Variants in NNT observed in about 807,000 individuals in gnomAD.
The protein encoded by NNT is nicotinamide nucleotide transhydrogenase, also known as NAD(P) transhydrogenase, mitochondrial.
NNT carries 50 observed loss-of-function variants against 104.8 expected under a neutral mutation model. The observed-to-expected ratio is 0.48, with a 90% confidence interval of 0.38 to 0.60. The LOEUF is 0.60. Among genes scored for constraint, NNT ranks in the 20% least tolerant of loss-of-function variants. NNT has a pLI of 0.00. For missense variants in NNT, 1,131 were observed against 1,330.7 expected, an observed-to-expected ratio of 0.85 and a Z score of 2.33; for synonymous variants, 461 against 490.4, an observed-to-expected ratio of 0.94 and a Z score of 0.79.
At chr5:43,629,345 A>G (rs1028399223) in intron 7 of NNT, among the ~76,000 whole-genome samples, 1 of 152,136 alleles carries the variant, frequency 6.6e-6, no homozygotes, top group African/African-American at 2.4e-5. Flanking sequence ...TGGTGTGTGT[A>G]TATATGTATA....
intron 19 of NNT, 103 bp downstream of exon 19, chr5:43,677,909 A>T: frequency 1.2e-6 from 1 of 838,980 alleles, no homozygotes; most frequent in Non-Finnish European, 2.0e-6. Context: ...TAGGGCACTG[A>T]CCCGCCCATA....
At chr5:43,645,745 C>T (rs1425661121) in intron 10 of NNT, 2 of 111,908 alleles carry the variant, frequency 1.8e-5, no homozygotes, top group Non-Finnish European at 3.4e-5. Context: ...GACGGAGTCT[C>T]GCTCTGTCGC....
rs189763822 is a variant in NNT, at chr5:43,702,600, C to G, written c.2996-21C>G. 599 of 1,459,138 alleles carry G rather than the reference C, an allele frequency of 4.1e-4. 3 individuals carry two copies. Among genetic ancestry groups the G allele is most frequent in the Non-Finnish European group, 5.0e-4 (540 of 1,070,644 alleles). The allele number at this position is 1,459,138 out of a possible 1,614,324, so 90.4% of individuals were successfully genotyped here. ...TGACCATTTGAGTTTTATATTCTTT[C>G]TTTTTTGTTTTATTATATAGATACT... On this transcript the variant is annotated intron_variant, in intron 20 of 21. Transcript: ENST00000344920.
chr5:43,672,252 G>T (rs1741145289), intron 17 of NNT, among the ~76,000 whole-genome samples: 1 of 152,144 alleles, frequency 6.6e-6, no homozygotes, highest in East Asian at 1.9e-4. Context: ...GCTTGGAGAA[G>T]TTGGATCGTC....
chr5:43,667,039 A>G (rs1580075419), intron 17 of NNT: 1 of 1,596,884 alleles, frequency 6.3e-7, no homozygotes, highest in East Asian at 2.2e-5. Flanking sequence ...ACGTGCACTC[A>G]TGGCCTTGGC....
intron 7 of NNT, among the ~76,000 whole-genome samples, chr5:43,631,988 A>G (rs1010001787): frequency 6.7e-6 from 1 of 150,276 alleles, no homozygotes; most frequent in East Asian, 1.9e-4. Flanking sequence ...AAAAAAAAAA[A>G]GGGAAGAAAG....
intron 6 of NNT, among the ~76,000 whole-genome samples, chr5:43,626,654 G>A (rs1388595489): frequency 6.6e-6 from 1 of 151,550 alleles, no homozygotes. Context: ...AGAAACATAA[G>A]GATGAAAGTG....
At chr5:43,689,894 C>T (rs763169219) in intron 19 of NNT, among the ~76,000 whole-genome samples, 5 of 151,916 alleles carry the variant, frequency 3.3e-5, no homozygotes, top group South Asian at 2.1e-4. Context: ...GCAATAGAAT[C>T]GAACAAACAG....
At chr5:43,611,867 G>A (rs1221988421) in intron 2 of NNT, among the ~76,000 whole-genome samples, 1 of 152,128 alleles carries the variant, frequency 6.6e-6, no homozygotes, top group Admixed American at 6.5e-5. Context: ...CTGATGTCCT[G>A]TAGCTAAAGA....
intron 20 of NNT, among the ~76,000 whole-genome samples, chr5:43,701,371 A>G (rs1330711204): frequency 1.3e-5 from 2 of 152,148 alleles, no homozygotes; most frequent in Non-Finnish European, 2.9e-5. Flanking sequence ...GCTTAGGATA[A>G]TGGCCTCCAG....
Position 43,702,714 on chromosome 5 carries a change from T to C in NNT, c.3089T>C (p.Leu1030Pro), listed in dbSNP as rs1217737009. The C allele has an allele frequency of 1.2e-6, 2 of 1,611,796 alleles. No individual in the cohort carries two copies. Among genetic ancestry groups the C allele is most frequent in the Admixed American group, 3.3e-5 (2 of 59,734 alleles). ...PNSIIAGMPVLEVWKSKQVIV... is the reference protein window; with the variant it reads ...PNSIIAGMPVPEVWKSKQVIV... ...TCTATTATTGCAGGCATGCCAGTCC[T>C]TGAGGTCTGGAAATCAAAGCAGGTA... The change falls in exon 21 of 22, where the codon CTT becomes CCT. Residue 1030 changes from leucine (L) to proline (P), a missense_variant. Physicochemically the swap from Leu to Pro is moderately conservative, Grantham distance 98. Coordinates refer to ENST00000344920, the MANE Select transcript of NNT (RefSeq NM_182977.3).
chr5:43,701,617 C>A (rs189698021), intron 20 of NNT, among the ~76,000 whole-genome samples: 5 of 152,176 alleles, frequency 3.3e-5, no homozygotes, highest in Admixed American at 1.3e-4. Flanking sequence ...ATTGCTGGGT[C>A]AAGTAGGAGT....
Position 43,649,451 on chromosome 5 carries a change from TC to T in NNT, c.1606+146del, listed in dbSNP as rs537125862. The T allele has an allele frequency of 8.8e-5, 81 of 922,646 alleles. No individual in the cohort carries two copies. In the South Asian group the frequency reaches 1.3e-3, roughly 15 times the overall value. The allele number at this position is 922,646 out of a possible 1,614,324, so 57.2% of individuals were successfully genotyped here. A position where few individuals can be genotyped will look rare whatever the true frequency, so the allele number is the denominator to read the frequency against. On this transcript the variant is annotated intron_variant, in intron 11 of 21. Coordinates refer to ENST00000344920, the MANE Select transcript of NNT (RefSeq NM_182977.3). ...TCATCTGCTTTGGTGATCTAAGGGC[TC>T]CCAGACTCTGAGAGGGTATGGGATA...
chr5:43,614,140 A>G (rs1389322901), intron 3 of NNT, among the ~76,000 whole-genome samples: 3 of 152,316 alleles, frequency 2.0e-5, no homozygotes, highest in East Asian at 3.9e-4. Flanking sequence ...TCTCATATAT[A>G]TTCTAGGGAT....
At chr5:43,615,088 G>C in intron 3 of NNT, among the ~76,000 whole-genome samples, 1 of 151,940 alleles carries the variant, frequency 6.6e-6, no homozygotes, top group East Asian at 1.9e-4. Flanking sequence ...AGTGAGCCGA[G>C]ATTGCGCCAC....
intron 10 of NNT, chr5:43,648,310 C>A: frequency 1.1e-6 from 1 of 935,150 alleles, no homozygotes; most frequent in South Asian, 4.4e-5. Context: ...GTACCTTATT[C>A]AGGAAAGTTA....
chr5:43,610,763 A>G (rs1472633617), intron 2 of NNT, among the ~76,000 whole-genome samples: 1 of 152,230 alleles, frequency 6.6e-6, no homozygotes, highest in Non-Finnish European at 1.5e-5. Context: ...CTGGAAAGCC[A>G]GATTATCCTG....
chr5:43,691,567 G>A (rs1742287070), intron 19 of NNT, among the ~76,000 whole-genome samples: 1 of 152,264 alleles, frequency 6.6e-6, no homozygotes, highest in South Asian at 2.1e-4. Flanking sequence ...GTAACTGGGG[G>A]AAAAAGTCTC....
At chr5:43,677,586 A>G (rs988101253) in intron 18 of NNT, 139 bp from the exon 19 acceptor site, 2 of 674,654 alleles carry the variant, frequency 3.0e-6, no homozygotes, top group Non-Finnish European at 5.1e-6. Flanking sequence ...CCCAGCTTAT[A>G]AATTTGCTTT....
Sources: allele counts gnomAD v4.1 joint callset (sites outside exome capture counted in the v4.1 genomes callset), GRCh38; gene constraint gnomAD v4.1.1; transcripts MANE v1.5; gene names NCBI Gene and HGNC (gene_info 2026-07-23, HGNC 2026-07-21).